BMP1: variants seen among roughly 807,000 people sequenced by gnomAD.
The protein encoded by BMP1 is bone morphogenetic protein 1, also known as mammalian tolloid protein.
In BMP1, 63 loss-of-function variants were observed where a neutral mutation model predicts 116.8. The ratio of observed to expected loss-of-function variants is 0.54; its 90% CI spans 0.44 to 0.67. BMP1 has a LOEUF of 0.67. Among genes scored for constraint, BMP1 ranks in the 30% least tolerant of loss-of-function variants. BMP1 has a pLI of 0.00. For missense variants in BMP1, 1,183 were observed against 1,358.9 expected, an observed-to-expected ratio of 0.87 and a Z score of 2.04; for synonymous variants, 536 against 533.4, an observed-to-expected ratio of 1.00 and a Z score of -0.07.
chr8:22,176,824 C>A, intron 4 of BMP1, 137 bp from the exon 5 acceptor site: 1 of 969,592 alleles, frequency 1.0e-6, no homozygotes, highest in Non-Finnish European at 1.5e-6. Flanking sequence ...CAGCACACAG[C>A]CTGGGCACTC....
intron 8 of BMP1, among the ~76,000 whole-genome samples, chr8:22,190,573 G>A (rs1459181170): frequency 6.6e-6 from 1 of 152,246 alleles, no homozygotes; most frequent in East Asian, 1.9e-4. Flanking sequence ...GTGTGGCCGG[G>A]AAGGTATAGA....
chr8:22,175,862 A>G (rs1187244486), intron 2 of BMP1, among the ~76,000 whole-genome samples: 1 of 152,226 alleles, frequency 6.6e-6, no homozygotes, highest in African/African-American at 2.4e-5. Context: ...CAAAAAGGAC[A>G]CTTGGTTACA....
In BMP1 at chr8:22,176,611, A is replaced by G; in HGVS notation, c.512A>G (p.Asp171Gly). Reference protein sequence around the residue: ...HTCVTFLERTDEDSYIVFTYR... With the variant: ...HTCVTFLERTGEDSYIVFTYR... ...TGTGTCACCTTCCTGGAGCGCACTG[A>G]CGAGGACAGCTATATTGTGTTCACC... The change falls in exon 4 of 20, where the codon GAC becomes GGC. Residue 171 changes from aspartate (D) to glycine (G), a missense_variant. By Grantham distance (94) the Asp-to-Gly change is moderately conservative. Around this residue, in one of 4 missense-constraint regions of BMP1, gnomAD observed 956 missense variants for 1,135.2 expected, o/e 0.84. Coordinates refer to ENST00000306385, the MANE Select transcript of BMP1 (RefSeq NM_006129.5). 5.6e-6 allele frequency: 9 copies of G among 1,614,188 alleles called. No homozygotes were observed. Among genetic ancestry groups the G allele is most frequent in the Non-Finnish European group, 7.6e-6 (9 of 1,180,018 alleles).
intron 13 of BMP1, chr8:22,196,465 T>C (rs1418317659): frequency 1.6e-6 from 1 of 634,164 alleles, no homozygotes; most frequent in Non-Finnish European, 2.8e-6. Flanking sequence ...TTATGACCCC[T>C]TAGCTCCCCC....
chr8:22,197,111 G>T, intron 14 of BMP1, 129 bp from the exon 15 acceptor site: 1 of 1,252,712 alleles, frequency 8.0e-7, no homozygotes. Context: ...GCGAGTACAG[G>T]AGGATCCAGT....
At chr8:22,193,378 A>C (rs947459880) in intron 9 of BMP1, among the ~76,000 whole-genome samples, 5 of 152,208 alleles carry the variant, frequency 3.3e-5, no homozygotes, top group African/African-American at 1.2e-4. Context: ...TTCTGATTTT[A>C]TTTCTTATTT....
At chr8:22,173,538 G>C in intron 1 of BMP1, 64 bp from the exon 2 acceptor site, 1 of 1,291,314 alleles carries the variant, frequency 7.7e-7, no homozygotes, top group Non-Finnish European at 1.1e-6. Context: ...GGGGCTAGAA[G>C]CACGGTGCAC....
chr8:22,196,522 C>A, intron 13 of BMP1, 158 bp from the exon 14 acceptor site: 1 of 1,104,438 alleles, frequency 9.1e-7, no homozygotes, highest in Non-Finnish European at 1.3e-6. Context: ...GCCACCCTGC[C>A]TCCTCCCGTC....
At chr8:22,175,446 T>C (rs1225350345) in intron 2 of BMP1, among the ~76,000 whole-genome samples, 1 of 152,242 alleles carries the variant, frequency 6.6e-6, no homozygotes, top group Admixed American at 6.5e-5. Context: ...ATGGAAGTTA[T>C]AGAATAACTT....
chr8:22,199,239 G>C lies in BMP1; in HGVS notation c.2107+1819G>C, dbSNP rs374867705. On this transcript the variant is annotated intron_variant, in intron 15 of 19. Coordinates refer to ENST00000306385, the MANE Select transcript of BMP1 (RefSeq NM_006129.5). ...CATCGAGGCTCAGCCCTCAGGGCCC[G>C]GGGCATCTGACTCTGGCCCCCCAGG... The C allele has an allele frequency of 8.0e-6, 11 of 1,367,346 alleles. 1 individual carries two copies. Among genetic ancestry groups the C allele is most frequent in the East Asian group, 9.1e-5 (2 of 21,990 alleles). The allele number at this position is 1,367,346 out of a possible 1,614,324, so 84.7% of individuals were successfully genotyped here.
intron 5 of BMP1, chr8:22,177,499 C>G: frequency 1.4e-6 from 1 of 709,706 alleles, no homozygotes; most frequent in Non-Finnish European, 2.6e-6. Context: ...GGTCTGCCCT[C>G]CGAGGGCTTT....
Position 22,176,570 on chromosome 8 carries a change from C to T in BMP1, c.471C>T (p.His157=), listed in dbSNP as rs1757130911. 1 of 1,614,220 alleles carries T rather than the reference C, an allele frequency of 6.2e-7. No homozygotes were observed. Among genetic ancestry groups the T allele is most frequent in the South Asian group, 1.1e-5 (1 of 91,092 alleles). The part of the protein sequence containing the change: ...QRAVFRQAMR[H]WEKHTCVTFL... ...CAGTCTTCCGGCAGGCCATGAGGCA[C>T]TGGGAGAAGCACACCTGTGTCACCT... The change falls in exon 4 of 20, where the codon CAC becomes CAT. Residue 157 remains histidine (H), a synonymous_variant. Coordinates refer to ENST00000306385, the MANE Select transcript of BMP1 (RefSeq NM_006129.5).
Position 22,165,375 on chromosome 8 carries a change from GCGCCGCTTCCCT to G in BMP1, c.-24_-13del. 2 of 1,419,656 alleles carry G rather than the reference GCGCCGCTTCCCT, an allele frequency of 1.4e-6. No homozygotes were observed. The highest frequency in any genetic ancestry group is 3.0e-5 in the East Asian group (1 of 33,536). 87.9% of individuals were successfully genotyped at this position (1,419,656 alleles called of 1,614,324 possible). On this transcript the variant is annotated 5_prime_UTR_variant, in exon 1 of 20. Transcript: ENST00000306385. ...AGGACGCCCTCCCCTGGCCTCCAGTGCGCCGCTTCCCTCGCCGCCGCCCCGCCAGCATGCCCG... is the reference window on the plus strand; with the variant it reads ...AGGACGCCCTCCCCTGGCCTCCAGTGCGCCGCCGCCCCGCCAGCATGCCCG...
intron 17 of BMP1, 55 bp from the exon 18 acceptor site, chr8:22,207,248 C>T (rs1829378736): frequency 6.4e-7 from 1 of 1,565,770 alleles, no homozygotes; most frequent in African/African-American, 1.4e-5. Context: ...CTCATCCTTG[C>T]CCCACCTGCC....
chr8:22,179,319 A>G lies in BMP1; in HGVS notation c.837-386A>G, dbSNP rs974606504. On this transcript the variant is annotated intron_variant, in intron 6 of 19. Transcript: ENST00000306385. This position sits in a 1 kb window ranked among gnomAD's most constrained non-coding sequence, Gnocchi z 4.6. ...GAAGTTTAGTTAGGGCTGGAGCAGCATGAGGGGCTGCAGAAGCAGGGGCCC... is the reference window on the plus strand; with the variant it reads ...GAAGTTTAGTTAGGGCTGGAGCAGCGTGAGGGGCTGCAGAAGCAGGGGCCC... Among the ~76,000 whole-genome samples, 1 of 152,178 alleles carries G rather than the reference A, an allele frequency of 6.6e-6. No individual in the cohort carries two copies. The highest frequency in any genetic ancestry group is 1.5e-5 in the Non-Finnish European group (1 of 68,024).
At chr8:22,198,168 A>G (rs1179431182) in intron 15 of BMP1, among the ~76,000 whole-genome samples, 1 of 152,172 alleles carries the variant, frequency 6.6e-6, no homozygotes, top group Non-Finnish European at 1.5e-5. Flanking sequence ...CCTGTTTCTA[A>G]AAATTTTTTT....
chr8:22,183,403 G>A (rs531072466), intron 8 of BMP1, among the ~76,000 whole-genome samples: 3 of 152,220 alleles, frequency 2.0e-5, no homozygotes, highest in East Asian at 3.9e-4. Context: ...GGGGCAGAGC[G>A]AGATCTTGTC....
At chr8:22,205,325 G>T (rs1301462645) in intron 16 of BMP1, among the ~76,000 whole-genome samples, 4 of 152,170 alleles carry the variant, frequency 2.6e-5, no homozygotes, top group Admixed American at 2.6e-4. Context: ...GCCACAGGTG[G>T]AGTTTTCTAA....
At chr8:22,206,596 C>T (rs1463194651) in intron 16 of BMP1, among the ~76,000 whole-genome samples, 1 of 152,006 alleles carries the variant, frequency 6.6e-6, no homozygotes, top group Non-Finnish European at 1.5e-5. Context: ...GGGGGTTGTC[C>T]AGGGAGCCTG....
Sources: gnomAD v4.1 joint callset for allele counts (sites outside exome capture counted in the v4.1 genomes callset) on GRCh38, gnomAD v4.1.1 for gene constraint, gnomAD v4.1.1 regional missense constraint, Gnocchi (gnomAD v3.1) non-coding constraint, MANE v1.5 for transcripts, NCBI Gene and HGNC (gene_info 2026-07-23, HGNC 2026-07-21) for gene names.